Variants in SERPINA3 observed in about 807,000 individuals in gnomAD.
SERPINA3 encodes alpha-1-antichymotrypsin.
Under a neutral mutation model 26.8 loss-of-function variants are expected in SERPINA3, and 32 were observed. The ratio of observed to expected loss-of-function variants is 1.20; its 90% confidence interval spans 0.90 to 1.61. The LOEUF is 1.61. Among genes scored for constraint, SERPINA3 ranks in the 40% most tolerant of loss-of-function variants. The pLI is 0.00. For missense variants in SERPINA3, 632 were observed against 517.9 expected, an observed-to-expected ratio of 1.22 and a Z score of -2.14; for synonymous variants, 252 against 206.4, an observed-to-expected ratio of 1.22 and a Z score of -1.89.
At position 94,615,010 on chromosome 14, in the gene SERPINA3, G is replaced by T. The variant is rs1375667847; in HGVS notation, c.569G>T (p.Gly190Val). 6.2e-7 allele frequency: 1 copy of T among 1,614,026 alleles called. No homozygotes were observed. The highest frequency in any genetic ancestry group is 2.2e-5 in the East Asian group (1 of 44,894). Residue 190 changes from glycine to valine, a missense_variant, in exon 2 of 5, where the codon GGG (glycine) becomes GTG (valine). By Grantham distance (109) the Gly-to-Val change is moderately radical. Transcript: ENST00000393078. The stretch of plus-strand genomic sequence containing the variant: ...GACTACGTGAAGAATGGAACTAGGG[G>T]GAAAATCACAGATCTGATCAAGGAC... ...INDYVKNGTR[G>V]KITDLIKDLD...
In SERPINA3 at chr14:94,614,967, G is replaced by A. The variant is rs770463400; in HGVS notation, c.526G>A (p.Ala176Thr). The change falls in exon 2 of 5, where the codon GCT (alanine) becomes ACT (threonine). Residue 176 changes from alanine (A) to threonine (T), a missense_variant. Ala to Thr is a moderately conservative substitution (Grantham distance 58). Transcript: ENST00000393078. The part of the protein sequence containing the change: ...FATDFQDSAA[A>T]KKLINDYVKN... ...CACTGACTTTCAGGACTCAGCTGCA[G>A]CTAAGAAGCTCATCAACGACTACGT... 2.5e-6 allele frequency: 4 copies of A among 1,613,506 alleles called. No homozygotes were observed. Among genetic ancestry groups the A allele is most frequent in the Non-Finnish European group, 3.4e-6 (4 of 1,179,496 alleles).
At chr14:94,623,554 T>A in intron 4 of SERPINA3, 57 bp from the exon 5 acceptor site, 1 of 1,514,556 alleles carries the variant, frequency 6.6e-7, no homozygotes, top group Non-Finnish European at 9.2e-7. Flanking sequence ...CACAGGCAGG[T>A]CGCTGAACTC....
In SERPINA3 at chr14:94,623,711, G is replaced by A. The variant is rs373206817; in HGVS notation, c.1169G>A (p.Arg390Lys). The change falls in exon 5 of 5, where the codon AGG becomes AAG. Residue 390 changes from arginine (R) to lysine (K), a missense_variant. Arg to Lys is a conservative substitution (Grantham distance 26). Coordinates refer to ENST00000393078, the MANE Select transcript of SERPINA3 (RefSeq NM_001085.5). ...CTCCTTTCTGCATTAGTGGAGACAA[G>A]GACCATTGTGCGTTTCAACAGGCCC... ...ITLLSALVET[R>K]TIVRFNRPFL... The A allele has an allele frequency of 4.3e-6, 7 of 1,614,028 alleles. No individual in the cohort carries two copies. The African/African-American group carries it at 5.3e-5, about 12-fold the overall frequency.
At chr14:94,615,184 G>A (rs1885947797) in intron 2 of SERPINA3, 100 bp downstream of exon 2, 5 of 1,329,858 alleles carry the variant, frequency 3.8e-6, no homozygotes, top group Non-Finnish European at 5.3e-6. Context: ...GTAGAGGAGA[G>A]TGCCCACAGC....
intron 2 of SERPINA3, among the ~76,000 whole-genome samples, chr14:94,616,894 G>A (rs1010420251): frequency 5.3e-5 from 8 of 152,184 alleles, no homozygotes; most frequent in African/African-American, 1.7e-4. Flanking sequence ...AAAACTTGGT[G>A]GCTGGCAGAC....
At chr14:94,622,247 G>A (rs745791719) in intron 3 of SERPINA3, 94 bp from the exon 4 acceptor site, 8 of 1,171,332 alleles carry the variant, frequency 6.8e-6, no homozygotes, top group African/African-American at 3.0e-5. Context: ...GGGGGTGACT[G>A]TAGAGGAAAC....
chr14:94,614,868 G>A lies in SERPINA3; in HGVS notation c.427G>A (p.Val143Ile). 6.2e-7 allele frequency: 1 copy of A among 1,614,202 alleles called. No homozygotes were observed. Among genetic ancestry groups the A allele is most frequent in the South Asian group, 1.1e-5 (1 of 91,084 alleles). The stretch of plus-strand genomic sequence containing the variant: ...GCTGAGTATGGGAAATGCCATGTTT[G>A]TCAAAGAGCAACTCAGTCTGCTGGA... ...LQLSMGNAMF[V>I]KEQLSLLDRF... The change falls in exon 2 of 5, where the codon GTC becomes ATC. Residue 143 changes from valine to isoleucine, a missense_variant. Coordinates refer to ENST00000393078, the MANE Select transcript of SERPINA3 (RefSeq NM_001085.5).
At chr14:94,617,342 A>G (rs913637261) in intron 2 of SERPINA3, among the ~76,000 whole-genome samples, 1 of 152,216 alleles carries the variant, frequency 6.6e-6, no homozygotes, top group Non-Finnish European at 1.5e-5. Context: ...GGGAAAGGAA[A>G]GATGGACAGT....
chr14:94,619,761 A>G (rs867398290), intron 3 of SERPINA3: 7 of 478,546 alleles, frequency 1.5e-5, no homozygotes, highest in Middle Eastern at 6.1e-4. Flanking sequence ...CCTGGTCTCA[A>G]TCTCTTGAAG....
intron 2 of SERPINA3, 137 bp from the exon 3 acceptor site, chr14:94,619,052 TTTACTC>T: frequency 2.2e-6 from 2 of 922,210 alleles, no homozygotes; most frequent in Non-Finnish European, 3.5e-6. Flanking sequence ...CCCAATAACT[TTTACTC>T]TTGCCAAGCT....
chr14:94,614,515 C>G lies in SERPINA3; in HGVS notation c.74C>G (p.Pro25Arg), dbSNP rs1885908066. Residue 25 changes from proline (P) to arginine (R), a missense_variant, in exon 2 of 5, where the codon CCT becomes CGT. Pro to Arg is a moderately radical substitution (Grantham distance 103). Transcript: ENST00000393078. ...TTCTGCCCTGCTGTCCTCTGCCACC[C>G]TAACAGCCCACTTGACGAGGAGAAT... ...AGFCPAVLCH[P>R]NSPLDEENLT... is the part of the protein sequence containing the mutation. The G allele has an allele frequency of 1.2e-6, 2 of 1,613,958 alleles. No individual in the cohort carries two copies. The highest frequency in any genetic ancestry group is 1.7e-6 in the Non-Finnish European group (2 of 1,179,820).
Position 94,614,761 on chromosome 14 carries a change from T to C in SERPINA3, c.320T>C (p.Leu107Pro). ...ATTCTCAAAGGCCTCAAGTTCAACC[T>C]CACGGAGACTTCTGAGGCAGAAATT... Reference protein sequence around the residue: ...TEILKGLKFNLTETSEAEIHQ... With the variant: ...TEILKGLKFNPTETSEAEIHQ... The change falls in exon 2 of 5, where the codon CTC (leucine) becomes CCC (proline). Residue 107 changes from leucine to proline, a missense_variant. Physicochemically the swap from Leu to Pro is moderately conservative, Grantham distance 98. Transcript: ENST00000393078. The C allele has an allele frequency of 6.2e-7, 1 of 1,614,084 alleles. No individual in the cohort carries two copies. The highest frequency in any genetic ancestry group is 1.3e-5 in the African/African-American group (1 of 75,008).
intron 3 of SERPINA3, among the ~76,000 whole-genome samples, chr14:94,620,190 G>A (rs1213619537): frequency 6.6e-6 from 1 of 152,106 alleles, no homozygotes; most frequent in African/African-American, 2.4e-5. Flanking sequence ...AGAGGGGAGG[G>A]GTGGAGTCAT....
At chr14:94,617,119 G>A (rs1886032981) in intron 2 of SERPINA3, among the ~76,000 whole-genome samples, 1 of 152,198 alleles carries the variant, frequency 6.6e-6, no homozygotes, top group African/African-American at 2.4e-5. Flanking sequence ...TGGGTAATAT[G>A]GGAAGGTGCT....
Position 94,615,019 on chromosome 14 carries a change from C to G in SERPINA3, c.578C>G (p.Thr193Arg). The change falls in exon 2 of 5, where the codon ACA (threonine) becomes AGA (arginine). Residue 193 changes from threonine to arginine, a missense_variant. Physicochemically the swap from Thr to Arg is moderately conservative, Grantham distance 71. Coordinates refer to ENST00000393078, the MANE Select transcript of SERPINA3 (RefSeq NM_001085.5). ...YVKNGTRGKI[T>R]DLIKDLDSQT... ...AAGAATGGAACTAGGGGGAAAATCA[C>G]AGATCTGATCAAGGACCTTGACTCG... The G allele has an allele frequency of 1.2e-6, 2 of 1,614,178 alleles. No individual in the cohort carries two copies. The highest frequency in any genetic ancestry group is 1.7e-6 in the Non-Finnish European group (2 of 1,180,038).
At chr14:94,615,576 G>A (rs1017535649) in intron 2 of SERPINA3, 3 of 376,224 alleles carry the variant, frequency 8.0e-6, no homozygotes, top group African/African-American at 4.2e-5. Context: ...TCTTCACAGG[G>A]CAAGATAATC....
Position 94,623,945 on chromosome 14 carries a change from T to C in SERPINA3, c.*131T>C, listed in dbSNP as rs113682916. The stretch of plus-strand genomic sequence containing the variant: ...ATGTGTGGCCCTGTCTGCTTATCCT[T>C]GGAAGGTGACAGCGATTCCCTGTGT... On this transcript the variant is annotated 3_prime_UTR_variant, in exon 5 of 5. Transcript: ENST00000393078. 3.7e-6 allele frequency: 3 copies of C among 821,688 alleles called. No homozygotes were observed. The highest frequency in any genetic ancestry group is 6.3e-6 in the Non-Finnish European group (3 of 478,470). The allele number at this position is 821,688 out of a possible 1,614,324, so 50.9% of individuals were successfully genotyped here.
At chr14:94,617,143 C>T (rs1157674632) in intron 2 of SERPINA3, among the ~76,000 whole-genome samples, 8 of 152,202 alleles carry the variant, frequency 5.3e-5, no homozygotes, top group Non-Finnish European at 8.8e-5. Context: ...TGGCACTGCC[C>T]TCACATGGAG....
At position 94,615,232 on chromosome 14, in the gene SERPINA3, A is replaced by G. The variant is rs548140334; in HGVS notation, c.643+148A>G. 3 of 893,588 alleles carry G rather than the reference A, an allele frequency of 3.4e-6. No homozygotes were observed. The South Asian group carries it at 4.1e-5, about 12-fold the overall frequency. The allele number at this position is 893,588 out of a possible 1,614,324, so 55.4% of individuals were successfully genotyped here. On this transcript the variant is annotated intron_variant, in intron 2 of 4. Transcript: ENST00000393078. ...TAAGCATCAAGGCCCCACCCTGCCC[A>G]TAGGCATCGCCGTCTCCTGTGGGGT... is the stretch of plus-strand genomic sequence containing the variant.
Sources: gnomAD v4.1 joint callset for allele counts (sites outside exome capture counted in the v4.1 genomes callset) on GRCh38, gnomAD v4.1.1 for gene constraint, MANE v1.5 for transcripts, NCBI Gene and HGNC (gene_info 2026-07-23, HGNC 2026-07-21) for gene names.